Variants in BEND4 observed in about 807,000 individuals in gnomAD.
BEND4 encodes the protein BEN domain containing 4, also known as BEN domain-containing protein 4.
A neutral mutation model predicts 54.7 loss-of-function variants in BEND4; 27 were observed. The observed-to-expected ratio is 0.49, with a 90% CI of 0.36 to 0.68. BEND4 has a LOEUF of 0.68. Ranked by LOEUF, BEND4 falls within the 30% of genes least tolerant of loss-of-function variation. The pLI is 0.00. For missense variants in BEND4, 702 were observed against 697.2 expected (o/e 1.01, Z -0.08); for synonymous variants, 327 against 299.5 (o/e 1.09, Z -0.95).
chr4:42,117,570 G>A lies in BEND4; in HGVS notation c.1553C>T (p.Ala518Val). 6.2e-7 allele frequency: 1 copy of A among 1,613,184 alleles called. No homozygotes were observed. The highest frequency in any genetic ancestry group is 8.5e-7 in the Non-Finnish European group (1 of 1,179,614). ...TTTATTGAAGACTTCATCCTGAGAA[G>A]CCTGGTGATCGATCCCTTCATAAAA... ...GSFYEGIDHQ[A>V]SQDEVFNKSS... Residue 518 changes from alanine to valine, a missense_variant, in exon 6 of 6, where the codon GCT becomes GTT. Ala to Val is a moderately conservative substitution (Grantham distance 64, BLOSUM62 0). Transcript: ENST00000502486.
At chr4:42,119,779 C>T (rs374891944) in intron 5 of BEND4, among the ~76,000 whole-genome samples, 1 of 152,258 alleles carries the variant, frequency 6.6e-6, no homozygotes, top group East Asian at 1.9e-4. Flanking sequence ...CTGGAGGTGG[C>T]CTTCTCTGGC....
At chr4:42,151,618 G>C in intron 2 of BEND4, 39 bp downstream of exon 2, 1 of 1,435,410 alleles carries the variant, frequency 7.0e-7, no homozygotes, top group Non-Finnish European at 9.1e-7. Context: ...CGCTGCCCCC[G>C]GCCGTGGCGG....
chr4:42,121,052 T>C (rs954067996), intron 4 of BEND4, among the ~76,000 whole-genome samples: 1 of 152,178 alleles, frequency 6.6e-6, no homozygotes, highest in Non-Finnish European at 1.5e-5. Context: ...AACCATTACT[T>C]TAGTTCTGGT....
intron 2 of BEND4, among the ~76,000 whole-genome samples, chr4:42,147,598 A>T (rs1721121629): frequency 6.6e-6 from 1 of 151,856 alleles, no homozygotes; most frequent in African/African-American, 2.4e-5. Flanking sequence ...CTAAAATTAA[A>T]CACCATAAAA....
rs1393608578 is a variant in BEND4 at position 42,110,942 on chromosome 4, C to T, written c.*6576G>A. 1.3e-5 allele frequency: 2 copies of T among 152,188 alleles called. No homozygotes were observed. Among genetic ancestry groups the T allele is most frequent in the Non-Finnish European group, 2.9e-5 (2 of 68,036 alleles). 9.4% of individuals were successfully genotyped at this position (152,188 alleles called of 1,614,324 possible). ...GCAAAAACCAAGTTAAAACACTTAA[C>T]AGAGACTTGACATTTATTGTGCAAT... On this transcript the variant is annotated 3_prime_UTR_variant, in exon 6 of 6. Coordinates refer to ENST00000502486, the MANE Select transcript of BEND4 (RefSeq NM_207406.4).
intron 2 of BEND4, among the ~76,000 whole-genome samples, chr4:42,147,969 T>C (rs965982575): frequency 6.6e-6 from 1 of 152,136 alleles, no homozygotes; most frequent in African/African-American, 2.4e-5. Flanking sequence ...ATCACAGTAG[T>C]CAAGATTAGT....
At chr4:42,138,219 G>GTA (rs749340830) in intron 3 of BEND4, among the ~76,000 whole-genome samples, 20 of 152,126 alleles carry the variant, frequency 1.3e-4, no homozygotes, top group Non-Finnish European at 2.5e-4. Flanking sequence ...AGAAACTGTG[G>GTA]TATATTATTG....
rs1309384697 is a variant in BEND4 at position 42,143,963 on chromosome 4, C to T, written c.519G>A (p.Gln173=). 1 of 1,558,636 alleles carries T rather than the reference C, an allele frequency of 6.4e-7. No individual in the cohort carries two copies. The highest frequency in any genetic ancestry group is 8.6e-7 in the Non-Finnish European group (1 of 1,156,672). Residue 173 remains glutamine (Q), a synonymous_variant, in exon 3 of 6, where the codon CAG becomes CAA. Transcript: ENST00000502486. ...ESRMILDAFA[Q]QCSRVLSLLN... is the part of the protein sequence containing the mutation. Reference sequence around the variant, plus strand: ...AGAGGCTAAGAACTCGACTGCACTGCTGGGCAAAGGCATCCAAGATCATTC... The same window carrying T: ...AGAGGCTAAGAACTCGACTGCACTGTTGGGCAAAGGCATCCAAGATCATTC...
chr4:42,151,348 G>C (rs890338401), intron 2 of BEND4: 2 of 158,778 alleles, frequency 1.3e-5, no homozygotes, highest in Non-Finnish European at 2.1e-5. Flanking sequence ...ATCCCCCGGG[G>C]GGGCGTCTGG....
chr4:42,144,518 A>G (rs1161263792), intron 2 of BEND4, among the ~76,000 whole-genome samples: 1 of 152,228 alleles, frequency 6.6e-6, no homozygotes, highest in African/African-American at 2.4e-5. Context: ...AGAGCTCACT[A>G]GAAATTTAAG....
intron 3 of BEND4, among the ~76,000 whole-genome samples, chr4:42,128,305 C>G (rs141860282): frequency 2.6e-5 from 4 of 152,364 alleles, no homozygotes; most frequent in Non-Finnish European, 4.4e-5. Flanking sequence ...GATGTCCTCT[C>G]TCACCACTCC....
chr4:42,123,708 A>AAAAAAAAC (rs1720156833), intron 4 of BEND4, among the ~76,000 whole-genome samples: 1 of 151,282 alleles, frequency 6.6e-6, no homozygotes, highest in African/African-American at 2.4e-5. Context: ...AAAAAAAAAA[A>AAAAAAAAC]AAAAAAAAAC....
At chr4:42,117,831 G>A (rs1199796370) in intron 5 of BEND4, 96 bp from the exon 6 acceptor site, 2 of 776,036 alleles carry the variant, frequency 2.6e-6, no homozygotes, top group South Asian at 1.9e-5. Flanking sequence ...TTTAACAGAA[G>A]CTCTATAAGA....
chr4:42,151,975 G>A lies in BEND4; in HGVS notation c.169C>T (p.Pro57Ser). 8.0e-7 allele frequency: 1 copy of A among 1,251,842 alleles called. No homozygotes were observed. Among genetic ancestry groups the A allele is most frequent in the Non-Finnish European group, 1.0e-6 (1 of 994,026 alleles). 77.5% of individuals were successfully genotyped at this position (1,251,842 alleles called of 1,614,324 possible). Residue 57 changes from proline (P) to serine (S), a missense_variant, in exon 2 of 6, where the codon CCG becomes TCG. Transcript: ENST00000502486. Reference protein sequence around the residue: ...VELPHVRAPPPPPPPFAPHAA... With the variant: ...VELPHVRAPPSPPPPFAPHAA... ...TGCGGCGCGAAGGGCGGCGGGGGCG[G>A]CGGGGGCGCCCGCACGTGCGGCAGC...
Position 42,111,813 on chromosome 4 carries a change from C to T in BEND4, c.*5705G>A, listed in dbSNP as rs1455318805. On this transcript the variant is annotated 3_prime_UTR_variant, in exon 6 of 6. Transcript: ENST00000502486. The stretch of plus-strand genomic sequence containing the variant: ...ATCTAGGAGTTCCCAAAGACTCTCA[C>T]TTCACTGAGTTCAAATGTTTGCTTT... The T allele has an allele frequency of 2.0e-5, 3 of 152,202 alleles. No homozygotes were observed. Among genetic ancestry groups the T allele is most frequent in the South Asian group, 2.1e-4 (1 of 4,832 alleles). 9.4% of individuals were successfully genotyped at this position (152,202 alleles called of 1,614,324 possible).
At chr4:42,132,416 T>C (rs751853023) in intron 3 of BEND4, among the ~76,000 whole-genome samples, 1 of 151,278 alleles carries the variant, frequency 6.6e-6, no homozygotes, top group Non-Finnish European at 1.5e-5. Context: ...TGCCTCCTCG[T>C]GCAAATTAGA....
chr4:42,120,591 A>G (rs1720018292), intron 4 of BEND4, among the ~76,000 whole-genome samples: 1 of 152,238 alleles, frequency 6.6e-6, no homozygotes, highest in Admixed American at 6.5e-5. Flanking sequence ...GACAGGGAAC[A>G]CTATTTAAAT....
At position 42,112,291 on chromosome 4, in the gene BEND4, G is replaced by A. The variant is rs1387319205; in HGVS notation, c.*5227C>T. ...AGGGTAGCTGTGAGGATTAAAATGA[G>A]AATGCATTAAAGTACTTATCCAAGT... On this transcript the variant is annotated 3_prime_UTR_variant, in exon 6 of 6. Transcript: ENST00000502486. 6.6e-6 allele frequency: 1 copy of A among 152,158 alleles called. No homozygotes were observed. The highest frequency in any genetic ancestry group is 1.5e-5 in the Non-Finnish European group (1 of 68,034). 9.4% of individuals were successfully genotyped at this position (152,158 alleles called of 1,614,324 possible).
At chr4:42,127,384 C>T (rs527364731) in intron 3 of BEND4, among the ~76,000 whole-genome samples, 5 of 152,306 alleles carry the variant, frequency 3.3e-5, no homozygotes, top group South Asian at 4.1e-4. Context: ...AAATAAGTCA[C>T]GTGTATCAGA....
Sources: allele counts gnomAD v4.1 joint callset (sites outside exome capture counted in the v4.1 genomes callset), GRCh38; gene constraint gnomAD v4.1.1; transcripts MANE v1.5; gene names NCBI Gene and HGNC (gene_info 2026-07-23, HGNC 2026-07-21).